CACNA2D1: variants seen among roughly 807,000 people sequenced by gnomAD.
The protein encoded by CACNA2D1 is voltage-dependent calcium channel subunit alpha-2/delta-1.
CACNA2D1 carries 53 observed loss-of-function variants against 171.5 expected under a neutral mutation model. That is an observed-to-expected ratio of 0.31 (90% CI 0.25 to 0.39). The LOEUF is 0.39. CACNA2D1 is among the 10% of genes least tolerant of loss of function. The pLI, the probability that CACNA2D1 is intolerant of heterozygous loss-of-function variation, is 1.00. For missense variants in CACNA2D1, 903 were observed against 1,299.8 expected, an observed-to-expected ratio of 0.69 and a Z score of 4.69; for synonymous variants, 442 against 443.1, an observed-to-expected ratio of 1.00 and a Z score of 0.03.
At chr7:82,409,796 T>G (rs1167668207) in intron 1 of CACNA2D1, among the ~76,000 whole-genome samples, 1 of 152,182 alleles carries the variant, frequency 6.6e-6, no homozygotes, top group East Asian at 1.9e-4. Context: ...TAGGGATACA[T>G]TCTGAGATAT....
chr7:82,296,150 C>T (rs945260402), intron 3 of CACNA2D1, among the ~76,000 whole-genome samples: 2 of 151,652 alleles, frequency 1.3e-5, no homozygotes, highest in African/African-American at 2.4e-5. Context: ...AGGAGATATA[C>T]CTAATGCTGA....
chr7:82,156,873 T>G (rs1794429572), intron 4 of CACNA2D1, among the ~76,000 whole-genome samples: 1 of 152,124 alleles, frequency 6.6e-6, no homozygotes, highest in Admixed American at 6.6e-5. Context: ...ATTACCAAAC[T>G]GACTAGCATC....
intron 1 of CACNA2D1, among the ~76,000 whole-genome samples, chr7:82,389,974 A>T (rs1824908751): frequency 6.6e-6 from 1 of 152,220 alleles, no homozygotes; most frequent in Non-Finnish European, 1.5e-5. Flanking sequence ...CATATGCAAC[A>T]TGAGCTCAGG....
At chr7:82,313,318 C>T (rs533890936) in intron 3 of CACNA2D1, among the ~76,000 whole-genome samples, 69 of 151,160 alleles carry the variant, frequency 4.6e-4, no homozygotes, top group African/African-American at 1.4e-3. Flanking sequence ...TATTTTGAGA[C>T]GGCTATTCAG....
chr7:82,020,968 G>A (rs1801125467), intron 12 of CACNA2D1: 1 of 152,094 alleles, frequency 6.6e-6, no homozygotes, highest in Non-Finnish European at 1.5e-5. Context: ...AAAGAACCAA[G>A]CTAGTGTTTC....
intron 4 of CACNA2D1, among the ~76,000 whole-genome samples, chr7:82,156,377 G>T (rs947444162): frequency 6.6e-6 from 1 of 151,958 alleles, no homozygotes; most frequent in Non-Finnish European, 1.5e-5. Flanking sequence ...CCACAAATAC[G>T]GCTCCAAGGG....
chr7:82,412,349 C>T (rs1253797968), intron 1 of CACNA2D1, among the ~76,000 whole-genome samples: 1 of 150,680 alleles, frequency 6.6e-6, no homozygotes, highest in Non-Finnish European at 1.5e-5. Context: ...AAGACACAAC[C>T]TCAGCTCACT....
chr7:82,410,024 T>C (rs1827481436), intron 1 of CACNA2D1, among the ~76,000 whole-genome samples: 1 of 152,096 alleles, frequency 6.6e-6, no homozygotes, highest in Non-Finnish European at 1.5e-5. Flanking sequence ...TACAGAAAAA[T>C]AAAGTATTAT....
chr7:82,190,192 T>C (rs1454478415), intron 3 of CACNA2D1, among the ~76,000 whole-genome samples: 1 of 151,820 alleles, frequency 6.6e-6, no homozygotes, highest in East Asian at 1.9e-4. Context: ...AATGATATTG[T>C]TATTCACCTC....
rs75156414 is a variant in CACNA2D1, at chr7:82,201,677, A to T, written c.295-31068T>A. Among the ~76,000 whole-genome samples, 1,073 of 152,218 alleles carry T rather than the reference A, an allele frequency of 7.0e-3. 17 individuals carry two copies. The highest frequency in any genetic ancestry group is 0.025 in the African/African-American group (1,022 of 41,542). On this transcript the variant is annotated intron_variant, in intron 3 of 38. Coordinates refer to ENST00000356860, the MANE Select transcript of CACNA2D1 (RefSeq NM_000722.4). ...ACAGAGGCTCCTCAGAGGTTTTGCT[A>T]CCCTTCGCTAGTCCCCACCTCTTCT...
chr7:81,962,649 T>G (rs1238474956), intron 34 of CACNA2D1, among the ~76,000 whole-genome samples, 154 bp from the exon 35 acceptor site: 1 of 151,884 alleles, frequency 6.6e-6, no homozygotes, highest in Admixed American at 6.6e-5. Context: ...TATAACACAT[T>G]GTAACCTTTT....
intron 1 of CACNA2D1, among the ~76,000 whole-genome samples, chr7:82,438,075 A>G (rs1458215288): frequency 6.6e-6 from 1 of 152,156 alleles, no homozygotes; most frequent in African/African-American, 2.4e-5. Flanking sequence ...TTACTTGTCA[A>G]TTATGTTAGT....
At chr7:82,072,758 C>T (rs913132113) in intron 7 of CACNA2D1, among the ~76,000 whole-genome samples, 1 of 151,878 alleles carries the variant, frequency 6.6e-6, no homozygotes, top group Admixed American at 6.6e-5. Flanking sequence ...CTGGATTTTT[C>T]ACTGGGTGCA....
intron 6 of CACNA2D1, among the ~76,000 whole-genome samples, chr7:82,099,061 T>A (rs187089471): frequency 7.9e-5 from 12 of 152,144 alleles, no homozygotes; most frequent in Non-Finnish European, 1.5e-4. Flanking sequence ...CCAAAACGCA[T>A]TTGCCTTCAT....
At chr7:82,248,860 C>A (rs1434095711) in intron 3 of CACNA2D1, among the ~76,000 whole-genome samples, 2 of 151,416 alleles carry the variant, frequency 1.3e-5, no homozygotes, top group Non-Finnish European at 1.5e-5. Context: ...GCTCACGCCT[C>A]TAATCCCAGC....
intron 7 of CACNA2D1, among the ~76,000 whole-genome samples, chr7:82,067,028 T>C (rs935477599): frequency 2.0e-5 from 3 of 152,148 alleles, no homozygotes; most frequent in Non-Finnish European, 4.4e-5. Context: ...AACAACTCCA[T>C]AGAAAGCTGT....
At chr7:82,372,394 G>A (rs191578354) in intron 1 of CACNA2D1, among the ~76,000 whole-genome samples, 17 of 152,096 alleles carry the variant, frequency 1.1e-4, no homozygotes, top group South Asian at 4.1e-4. Flanking sequence ...TTACTGTAGC[G>A]TTTCCAAAAC....
At chr7:81,972,102 A>T (rs2130461076) in intron 25 of CACNA2D1, among the ~76,000 whole-genome samples, 1 of 151,844 alleles carries the variant, frequency 6.6e-6, no homozygotes, top group East Asian at 1.9e-4. Context: ...ATTATTTTGT[A>T]AACTTTATCA....
intron 3 of CACNA2D1, among the ~76,000 whole-genome samples, chr7:82,275,032 T>C (rs7800456): frequency 0.72 from 110,030 of 151,980 alleles, 40,798 homozygotes; most frequent in African/African-American, 0.88. Flanking sequence ...GAGTGAAAAT[T>C]ATTTGCTCAT....
Sources: allele counts gnomAD v4.1 joint callset (sites outside exome capture counted in the v4.1 genomes callset), GRCh38; gene constraint gnomAD v4.1.1; transcripts MANE v1.5; gene names NCBI Gene and HGNC (gene_info 2026-07-23, HGNC 2026-07-21).